WDR41: variants seen among roughly 807,000 people sequenced by gnomAD.
WDR41 encodes the protein WD repeat-containing protein 41.
WDR41 carries 63 observed loss-of-function variants against 69.3 expected under a neutral mutation model. That is an observed-to-expected ratio of 0.91 (90% CI 0.74 to 1.12). WDR41 has a LOEUF of 1.12. WDR41 is among the 50% of genes most tolerant of loss of function. The pLI is 0.00. For synonymous variants in WDR41, 185 were observed against 192.1 expected (o/e 0.96, Z 0.31); for missense variants, 543 against 534.5 (o/e 1.02, Z -0.16).
intron 8 of WDR41, 79 bp downstream of exon 8, chr5:77,449,681 C>T: frequency 3.3e-6 from 3 of 904,214 alleles, no homozygotes; most frequent in Non-Finnish European, 5.2e-6. Flanking sequence ...AATCCCAGAA[C>T]TAAGCAAGGC....
chr5:77,466,237 A>T (rs989251272), intron 2 of WDR41, among the ~76,000 whole-genome samples: 4 of 151,972 alleles, frequency 2.6e-5, no homozygotes, highest in Admixed American at 1.3e-4. Flanking sequence ...CCGGAGATTA[A>T]AAAGAAAATG....
At chr5:77,490,253 C>T (rs543233178) in intron 1 of WDR41, among the ~76,000 whole-genome samples, 8 of 152,108 alleles carry the variant, frequency 5.3e-5, no homozygotes, top group Admixed American at 5.2e-4. Flanking sequence ...AGTAAGCCAC[C>T]GCGCCCAGCC....
chr5:77,612,218 G>A (rs1744569215), intron 1 of WDR41, among the ~76,000 whole-genome samples: 2 of 152,296 alleles, frequency 1.3e-5, no homozygotes, highest in South Asian at 4.1e-4. Flanking sequence ...GAGGTACAAG[G>A]AGGAACTGGT....
At chr5:77,513,997 T>A (rs995948913) in intron 1 of WDR41, among the ~76,000 whole-genome samples, 2 of 152,186 alleles carry the variant, frequency 1.3e-5, no homozygotes, top group Non-Finnish European at 2.9e-5. Flanking sequence ...TTCTTCTTTG[T>A]ACTCTAAGAG....
At chr5:77,499,135 C>A (rs773590501) in intron 1 of WDR41, among the ~76,000 whole-genome samples, 16 of 152,180 alleles carry the variant, frequency 1.1e-4, no homozygotes, top group Non-Finnish European at 2.4e-4. Context: ...TTGAACACAA[C>A]TATAAACCTT....
chr5:77,561,887 T>A (rs1743533766), intron 1 of WDR41, among the ~76,000 whole-genome samples: 1 of 152,150 alleles, frequency 6.6e-6, no homozygotes, highest in Non-Finnish European at 1.5e-5. Flanking sequence ...GCTATAGAGG[T>A]TTTATTTTGT....
intron 1 of WDR41, chr5:77,499,277 A>T (rs560610378): frequency 2.0e-5 from 3 of 152,390 alleles, no homozygotes; most frequent in Admixed American, 2.0e-4. Flanking sequence ...AATCCAATGC[A>T]ACCTCAAATC....
At chr5:77,494,538 T>G (rs186274320), upstream of WDR41, among the ~76,000 whole-genome samples, 93 of 152,156 alleles carry the variant, frequency 6.1e-4, 3 homozygotes, top group Non-Finnish European at 1.8e-4. Context: ...CAAAATAGAC[T>G]TTAAATCAAA....
chr5:77,566,545 G>C (rs1743632861), intron 1 of WDR41, among the ~76,000 whole-genome samples: 3 of 152,268 alleles, frequency 2.0e-5, no homozygotes, highest in South Asian at 4.1e-4. Flanking sequence ...TATTTCATTA[G>C]AGAGTTTCCT....
chr5:77,548,877 C>T (rs1476124941), intron 1 of WDR41, among the ~76,000 whole-genome samples: 1 of 152,046 alleles, frequency 6.6e-6, no homozygotes, highest in Non-Finnish European at 1.5e-5. Context: ...TGGAACCAAC[C>T]CAAATGCCCA....
At chr5:77,507,999 T>C (rs1802138301) in intron 1 of WDR41, among the ~76,000 whole-genome samples, 1 of 152,306 alleles carries the variant, frequency 6.6e-6, no homozygotes, top group African/African-American at 2.4e-5. Flanking sequence ...TCAAGTATAC[T>C]GATTCTTTCA....
chr5:77,619,776 T>G (rs965551554), intron 1 of WDR41, among the ~76,000 whole-genome samples: 2 of 152,082 alleles, frequency 1.3e-5, no homozygotes, highest in African/African-American at 4.8e-5. Context: ...AAGGGTTAGA[T>G]AGTCTTACTG....
intron 4 of WDR41, among the ~76,000 whole-genome samples, chr5:77,462,409 C>CAAAAAAAAAA (rs10670808): frequency 9.8e-6 from 1 of 102,446 alleles, no homozygotes; most frequent in Non-Finnish European, 2.0e-5. Context: ...AACTCCGTCT[C>CAAAAAAAAAA]AAAAAAAAAA....
chr5:77,581,601 C>G (rs536410784), intron 1 of WDR41, among the ~76,000 whole-genome samples: 1 of 152,166 alleles, frequency 6.6e-6, no homozygotes, highest in East Asian at 1.9e-4. Flanking sequence ...ATATGTTAGG[C>G]CACAAAATGA....
At chr5:77,528,632 C>A (rs1176328991) in intron 1 of WDR41, among the ~76,000 whole-genome samples, 1 of 151,564 alleles carries the variant, frequency 6.6e-6, no homozygotes, top group African/African-American at 2.4e-5. Flanking sequence ...AAATGCCAAA[C>A]ATAAAATATT....
intron 5 of WDR41, among the ~76,000 whole-genome samples, chr5:77,454,528 A>T (rs1264509559): frequency 6.6e-6 from 1 of 152,226 alleles, no homozygotes; most frequent in Non-Finnish European, 1.5e-5. Flanking sequence ...TGAAACTATG[A>T]CCTTAGTTTC....
chr5:77,478,940 C>T (rs995861920), intron 2 of WDR41, among the ~76,000 whole-genome samples: 4 of 151,522 alleles, frequency 2.6e-5, no homozygotes, highest in Non-Finnish European at 1.5e-5. Flanking sequence ...CTGTCTCAGC[C>T]CAAAATCTCC....
intron 1 of WDR41, among the ~76,000 whole-genome samples, chr5:77,565,839 T>A (rs532099436): frequency 7.2e-5 from 11 of 152,282 alleles, no homozygotes; most frequent in African/African-American, 2.4e-4. Flanking sequence ...AGAGTGTAAA[T>A]GTCATGAAAA....
At chr5:77,548,544 T>A (rs1178885645) in intron 1 of WDR41, among the ~76,000 whole-genome samples, 1 of 152,216 alleles carries the variant, frequency 6.6e-6, no homozygotes, top group Non-Finnish European at 1.5e-5. Context: ...ACATCACTAA[T>A]GATCAGGGAA....
Sources: allele counts gnomAD v4.1 joint callset (sites outside exome capture counted in the v4.1 genomes callset), GRCh38; gene constraint gnomAD v4.1.1; transcripts MANE v1.5; gene names NCBI Gene and HGNC (gene_info 2026-07-23, HGNC 2026-07-21).